The following CDH12 variants were observed in gnomAD, a reference collection of about 807,000 sequenced individuals.
CDH12 encodes cadherin 12, also known as cadherin-12.
In CDH12, 41 loss-of-function variants were observed where a neutral mutation model predicts 74.1. The observed-to-expected ratio is 0.55, with a 90% CI of 0.43 to 0.72. CDH12 has a LOEUF of 0.72. CDH12 is among the 30% of genes least tolerant of loss of function. CDH12 has a pLI of 0.00. For missense variants in CDH12, 945 were observed against 977.2 expected, an observed-to-expected ratio of 0.97 and a Z score of 0.44; for synonymous variants, 399 against 355.0, an observed-to-expected ratio of 1.12 and a Z score of -1.39.
At chr5:22,705,501 A>G (rs1346400033) in intron 1 of CDH12, among the ~76,000 whole-genome samples, 1 of 147,700 alleles carries the variant, frequency 6.8e-6, no homozygotes, top group African/African-American at 2.5e-5. Flanking sequence ...ACACACATGC[A>G]CACACACACA....
chr5:22,458,039 G>A (rs1440910140), intron 2 of CDH12, among the ~76,000 whole-genome samples: 5 of 151,820 alleles, frequency 3.3e-5, no homozygotes, highest in South Asian at 2.1e-4. Flanking sequence ...CACCGTGCCC[G>A]GCCCTAATTT....
In CDH12 at chr5:22,074,630, C is replaced by T. The variant is rs554961021; in HGVS notation, c.231+3816G>A. On this transcript the variant is annotated intron_variant, in intron 5 of 14. Coordinates refer to ENST00000382254, the MANE Select transcript of CDH12 (RefSeq NM_004061.5). Reference sequence around the variant, plus strand: ...ACAAACTTACAAGAAAACAACAACCCCATCAAAAAGTGGGCGAAGGATATG... The same window carrying T: ...ACAAACTTACAAGAAAACAACAACCTCATCAAAAAGTGGGCGAAGGATATG... 8.5e-5 allele frequency among the ~76,000 whole-genome samples: 13 copies of T among 152,088 alleles called. No homozygotes were observed. In the South Asian group the frequency reaches 2.1e-3, roughly 24 times the overall value.
At chr5:22,532,350 G>GATATATATATATAGATATATATATATAT (rs1737622125) in intron 1 of CDH12, among the ~76,000 whole-genome samples, 2 of 27,576 alleles carry the variant, frequency 7.3e-5, no homozygotes, top group Non-Finnish European at 1.5e-4. Flanking sequence ...ATATAAATAG[G>GATATATATATATAGATATATATATATAT]ATATATATAT....
chr5:22,153,140 G>A (rs10073088), intron 4 of CDH12, among the ~76,000 whole-genome samples: 64,476 of 150,616 alleles, frequency 0.43, 14,429 homozygotes, highest in East Asian at 0.76. Flanking sequence ...AAGAGAAAGT[G>A]CTGGGTCATA....
intron 3 of CDH12, among the ~76,000 whole-genome samples, chr5:22,320,331 C>G (rs1425674140): frequency 2.0e-5 from 3 of 152,118 alleles, no homozygotes; most frequent in Non-Finnish European, 4.4e-5. Flanking sequence ...TACCACAACT[C>G]AAAGTCACTC....
At chr5:21,958,276 T>C (rs1561328161) in intron 6 of CDH12, among the ~76,000 whole-genome samples, 1 of 152,152 alleles carries the variant, frequency 6.6e-6, no homozygotes, top group Admixed American at 6.5e-5. Context: ...TGGTTCTTTA[T>C]AGCAGTGTGA....
chr5:22,216,406 CA>C (rs1751804310), intron 3 of CDH12, among the ~76,000 whole-genome samples: 2 of 151,890 alleles, frequency 1.3e-5, no homozygotes, highest in South Asian at 4.1e-4. Flanking sequence ...GATTCTTACA[CA>C]AATAGAATCT....
intron 4 of CDH12, among the ~76,000 whole-genome samples, chr5:22,098,518 GC>G (rs1205953795): frequency 1.3e-5 from 2 of 152,054 alleles, no homozygotes; most frequent in East Asian, 3.9e-4. Context: ...ACTTTTAGAG[GC>G]CCTAAAAATC....
chr5:22,636,449 A>C (rs890117814), intron 1 of CDH12, among the ~76,000 whole-genome samples: 1 of 152,226 alleles, frequency 6.6e-6, no homozygotes, highest in Non-Finnish European at 1.5e-5. Context: ...GATAAATGCA[A>C]TATTGTATAT....
chr5:22,011,293 T>C (rs1451609353), intron 5 of CDH12, among the ~76,000 whole-genome samples: 2 of 152,174 alleles, frequency 1.3e-5, no homozygotes, highest in Non-Finnish European at 2.9e-5. Flanking sequence ...GAAGTGCTTT[T>C]ACAAAATATC....
chr5:22,348,590 A>T (rs1021747512), intron 3 of CDH12, among the ~76,000 whole-genome samples: 1 of 152,220 alleles, frequency 6.6e-6, no homozygotes, highest in Non-Finnish European at 1.5e-5. Flanking sequence ...ACGATGAGAC[A>T]GATTTTATAC....
chr5:22,655,934 A>G (rs988113014), intron 1 of CDH12, among the ~76,000 whole-genome samples: 2 of 152,224 alleles, frequency 1.3e-5, no homozygotes, highest in African/African-American at 4.8e-5. Flanking sequence ...TCATGGAGAC[A>G]CAGAGCATCA....
At chr5:22,335,706 G>A (rs1315016856) in intron 3 of CDH12, among the ~76,000 whole-genome samples, 1 of 152,116 alleles carries the variant, frequency 6.6e-6, no homozygotes, top group Non-Finnish European at 1.5e-5. Context: ...TGTTTGTGAG[G>A]CCTCCCCAGC....
chr5:22,770,499 A>G (rs1273747761), intron 1 of CDH12, among the ~76,000 whole-genome samples: 1 of 152,180 alleles, frequency 6.6e-6, no homozygotes. Flanking sequence ...ATATCCATAT[A>G]GCATACAATG....
chr5:21,889,156 T>G (rs187105324), intron 6 of CDH12, among the ~76,000 whole-genome samples: 82 of 152,278 alleles, frequency 5.4e-4, no homozygotes, highest in Non-Finnish European at 1.8e-4. Flanking sequence ...TATTTTATAC[T>G]TAAACTGAGT....
rs115561629 is a variant in CDH12, at chr5:21,778,287, T to C, written c.1393+5071A>G. On this transcript the variant is annotated intron_variant, in intron 11 of 14. Transcript: ENST00000382254. ...AAGTCCATTCCTCATGCCCACAATG[T>C]GAACAAGAACACTCACTCTGCAGGT... 6.8e-3 allele frequency among the ~76,000 whole-genome samples: 1,037 copies of C among 152,182 alleles called. 10 individuals are homozygous for C. The highest frequency in any genetic ancestry group is 0.022 in the African/African-American group (906 of 41,516).
chr5:22,406,262 T>C lies in CDH12; in HGVS notation c.-427-911A>G, dbSNP rs1394690937. Among the ~76,000 whole-genome samples, 5 of 152,124 alleles carry C rather than the reference T, an allele frequency of 3.3e-5. 1 individual carries two copies. The highest frequency in any genetic ancestry group is 4.4e-5 in the Non-Finnish European group (3 of 68,024). On this transcript the variant is annotated intron_variant, in intron 2 of 14. Transcript: ENST00000382254. Reference sequence around the variant, plus strand: ...ACATTATTGAAATGAAAACAACTTTTAGGGAAGGAGGGACTCAATTAATAG... The same window carrying C: ...ACATTATTGAAATGAAAACAACTTTCAGGGAAGGAGGGACTCAATTAATAG...
At chr5:21,798,844 T>G (rs1442357487) in intron 10 of CDH12, among the ~76,000 whole-genome samples, 1 of 152,178 alleles carries the variant, frequency 6.6e-6, no homozygotes, top group Non-Finnish European at 1.5e-5. Context: ...CGGTAATTTG[T>G]TATAGCAGCC....
intron 1 of CDH12, among the ~76,000 whole-genome samples, chr5:22,759,805 A>G (rs1404007053): frequency 6.6e-6 from 1 of 152,172 alleles, no homozygotes; most frequent in Admixed American, 6.5e-5. Context: ...TGGCTCATGC[A>G]GTTGTGGATG....
Sources: gnomAD v4.1 joint callset for allele counts (sites outside exome capture counted in the v4.1 genomes callset) on GRCh38, gnomAD v4.1.1 for gene constraint, MANE v1.5 for transcripts, NCBI Gene and HGNC (gene_info 2026-07-23, HGNC 2026-07-21) for gene names.